UIMC1: variants seen among roughly 807,000 people sequenced by gnomAD.
UIMC1 encodes BRCA1-A complex subunit RAP80.
A neutral mutation model predicts 84.9 loss-of-function variants in UIMC1; 42 were observed. The observed-to-expected ratio is 0.49, with a 90% CI of 0.39 to 0.64. The LOEUF (loss-of-function observed/expected upper bound fraction) is 0.64, where lower values mean the gene tolerates loss of function less well. UIMC1 is among the 30% of genes least tolerant of loss of function. The probability of loss-of-function intolerance (pLI) is 0.00; values close to 1 mark genes in which losing one functional copy is unlikely to be tolerated. For synonymous variants in UIMC1, 281 were observed against 293.0 expected (o/e 0.96, Z 0.42); for missense variants, 825 against 847.6 (o/e 0.97, Z 0.33).
intron 3 of UIMC1, among the ~76,000 whole-genome samples, chr5:176,973,384 T>C (rs1442237715): frequency 1.3e-5 from 2 of 151,820 alleles, no homozygotes; most frequent in Non-Finnish European, 2.9e-5. Flanking sequence ...TCTGTGGTAT[T>C]AAAAATATCA....
At chr5:176,913,549 C>T (rs570433651) in intron 10 of UIMC1, among the ~76,000 whole-genome samples, 248 of 152,308 alleles carry the variant, frequency 1.6e-3, no homozygotes, top group African/African-American at 5.7e-3. Flanking sequence ...CCATGGGCTA[C>T]CCCATGTGGA....
chr5:176,964,940 T>A (rs987754982), intron 6 of UIMC1, among the ~76,000 whole-genome samples: 4 of 152,158 alleles, frequency 2.6e-5, no homozygotes, highest in Non-Finnish European at 4.4e-5. Context: ...TTGGGAGAGA[T>A]TAAGTCTCCT....
At chr5:176,913,777 G>C (rs1760573931) in intron 10 of UIMC1, among the ~76,000 whole-genome samples, 1 of 152,208 alleles carries the variant, frequency 6.6e-6, no homozygotes, top group Non-Finnish European at 1.5e-5. Context: ...AGGAGTTCGA[G>C]AACAGCCTGG....
intron 10 of UIMC1, among the ~76,000 whole-genome samples, chr5:176,913,022 T>C (rs1291352411): frequency 2.6e-5 from 4 of 152,210 alleles, no homozygotes; most frequent in Non-Finnish European, 5.9e-5. Context: ...GGGAAATCCA[T>C]TCTAATTGCA....
chr5:176,947,669 T>C (rs905890216), intron 9 of UIMC1, among the ~76,000 whole-genome samples: 1 of 151,688 alleles, frequency 6.6e-6, no homozygotes, highest in Non-Finnish European at 1.5e-5. Flanking sequence ...ACACAAAAAA[T>C]TAGCCAGGCG....
At chr5:176,944,632 C>T (rs1764858194) in intron 9 of UIMC1, among the ~76,000 whole-genome samples, 1 of 152,178 alleles carries the variant, frequency 6.6e-6, no homozygotes, top group Admixed American at 6.5e-5. Context: ...CAAAACACGA[C>T]CAAAACTTCA....
intron 8 of UIMC1, 138 bp downstream of exon 8, chr5:176,955,821 G>A: frequency 1.5e-6 from 1 of 679,494 alleles, no homozygotes. Context: ...ACGCATACGA[G>A]TGTTGAGACA....
intron 13 of UIMC1, 185 bp from the exon 14 acceptor site, chr5:176,906,232 G>A: frequency 1.8e-6 from 1 of 565,456 alleles, no homozygotes; most frequent in South Asian, 2.3e-5. Flanking sequence ...CAGCTGCAGG[G>A]GCACTCAGAT....
At chr5:177,006,993 C>T (rs1775367084), upstream of UIMC1, among the ~76,000 whole-genome samples, 1 of 152,246 alleles carries the variant, frequency 6.6e-6, no homozygotes, top group Middle Eastern at 3.4e-3. Flanking sequence ...AGGACAATTC[C>T]GTGTGATGAA....
chr5:176,946,062 A>G (rs1196871826), intron 9 of UIMC1, among the ~76,000 whole-genome samples: 1 of 152,152 alleles, frequency 6.6e-6, no homozygotes, highest in Non-Finnish European at 1.5e-5. Context: ...ATGGCCCTAA[A>G]TCCCTCACTA....
intron 2 of UIMC1, among the ~76,000 whole-genome samples, chr5:176,979,638 T>G (rs766047294): frequency 4.6e-5 from 7 of 151,816 alleles, no homozygotes; most frequent in South Asian, 4.2e-4. Flanking sequence ...AGAATGCAAT[T>G]GGGAAGGGAC....
intron 2 of UIMC1, among the ~76,000 whole-genome samples, 185 bp from the exon 3 acceptor site, chr5:176,975,665 A>G (rs2149492624): frequency 6.6e-6 from 1 of 152,336 alleles, no homozygotes; most frequent in South Asian, 2.1e-4. Context: ...GAACCAATAA[A>G]AACTGTAAGA....
intron 10 of UIMC1, among the ~76,000 whole-genome samples, chr5:176,928,481 A>C (rs1287377438): frequency 6.6e-6 from 1 of 152,244 alleles, no homozygotes; most frequent in Non-Finnish European, 1.5e-5. Context: ...TCAATCTTTA[A>C]AAAGAACTTC....
rs1479599532 is a variant in UIMC1 at position 176,906,188 on chromosome 5, C to A, written c.1913-141G>T. On this transcript the variant is annotated intron_variant, in intron 13 of 14. Transcript: ENST00000511320. ...TAGCACAGATCCCCAATCCCCTAAA[C>A]CCACAGACGGTGAGCATTAGTGTCC... 5.6e-6 allele frequency: 4 copies of A among 720,438 alleles called. No homozygotes were observed. The East Asian group carries it at 1.1e-4, about 20-fold the overall frequency. The allele number at this position is 720,438 out of a possible 1,614,324, so 44.6% of individuals were successfully genotyped here. A position where few individuals can be genotyped will look rare whatever the true frequency, so the allele number is the denominator to read the frequency against.
intron 10 of UIMC1, among the ~76,000 whole-genome samples, chr5:176,938,163 C>T (rs1052626726): frequency 7.0e-5 from 10 of 142,386 alleles, no homozygotes; most frequent in African/African-American, 2.7e-4. Context: ...GCCCTCCAGC[C>T]TGGGCTACAG....
At chr5:176,983,611 G>A (rs1247127297) in intron 1 of UIMC1, among the ~76,000 whole-genome samples, 1 of 152,104 alleles carries the variant, frequency 6.6e-6, no homozygotes, top group Non-Finnish European at 1.5e-5. Flanking sequence ...CGCCTGCCTT[G>A]GCCTCCCAAA....
Position 176,905,100 on chromosome 5 carries a change from C to A in UIMC1, c.*182G>T. 1.9e-6 allele frequency: 1 copy of A among 527,574 alleles called. No homozygotes were observed. Among genetic ancestry groups the A allele is most frequent in the Non-Finnish European group, 3.3e-6 (1 of 305,322 alleles). The allele number at this position is 527,574 out of a possible 1,614,324, so 32.7% of individuals were successfully genotyped here. On this transcript the variant is annotated 3_prime_UTR_variant, in exon 15 of 15. Coordinates refer to ENST00000511320, the MANE Select transcript of UIMC1 (RefSeq NM_001199298.2). ...TAAATTCAAACAAACTGTTATAAAA[C>A]AGAATACACAGTTGTCTGCATAGAT...
intron 1 of UIMC1, among the ~76,000 whole-genome samples, chr5:176,999,831 T>C (rs1265834425): frequency 6.6e-6 from 1 of 152,230 alleles, no homozygotes; most frequent in East Asian, 1.9e-4. Flanking sequence ...TTCCATATCT[T>C]GGCTATTGTA....
chr5:176,968,494 A>G, intron 6 of UIMC1, 61 bp downstream of exon 6: 1 of 1,527,844 alleles, frequency 6.5e-7, no homozygotes. Flanking sequence ...TAACAGCTAA[A>G]ATAATCCTTG....
Sources: gnomAD v4.1 joint callset for allele counts (sites outside exome capture counted in the v4.1 genomes callset) on GRCh38, gnomAD v4.1.1 for gene constraint, MANE v1.5 for transcripts, NCBI Gene and HGNC (gene_info 2026-07-23, HGNC 2026-07-21) for gene names.